Variants in NT5C3A observed in about 807,000 individuals in gnomAD.
NT5C3A encodes the protein 5'-nucleotidase, cytosolic IIIA, also known as cytosolic 5'-nucleotidase 3A.
A neutral mutation model predicts 40.0 loss-of-function variants in NT5C3A; 23 were observed. The ratio of observed to expected loss-of-function variants is 0.58; its 90% confidence interval spans 0.41 to 0.81. The LOEUF is 0.81. NT5C3A is among the 40% of genes least tolerant of loss of function. The pLI is 0.00. For missense variants in NT5C3A, 328 were observed against 403.0 expected, an observed-to-expected ratio of 0.81 and a Z score of 1.59; for synonymous variants, 130 against 141.4, an observed-to-expected ratio of 0.92 and a Z score of 0.57.
At chr7:33,049,293 T>C (rs899805644) in intron 1 of NT5C3A, among the ~76,000 whole-genome samples, 5 of 152,160 alleles carry the variant, frequency 3.3e-5, no homozygotes. Context: ...TTTAGGTGAA[T>C]CATCCCCATT....
At chr7:33,041,728 T>C (rs182924941) in intron 1 of NT5C3A, among the ~76,000 whole-genome samples, 1 of 152,148 alleles carries the variant, frequency 6.6e-6, no homozygotes, top group African/African-American at 2.4e-5. Flanking sequence ...AGTCCAACTG[T>C]CATGAAGAAA....
intron 5 of NT5C3A, 134 bp from the exon 6 acceptor site, chr7:33,019,858 CA>C (rs1203276159): frequency 2.7e-5 from 18 of 663,740 alleles, no homozygotes; most frequent in Middle Eastern, 3.5e-4. Flanking sequence ...GATTGAAGTT[CA>C]TCACTAATGA....
chr7:33,036,588 C>G (rs1215776393), intron 1 of NT5C3A, among the ~76,000 whole-genome samples: 1 of 151,814 alleles, frequency 6.6e-6, no homozygotes, highest in Admixed American at 6.6e-5. Flanking sequence ...ATTGAATAAA[C>G]AGTGAAAATG....
intron 1 of NT5C3A, among the ~76,000 whole-genome samples, chr7:33,040,042 G>A (rs1026613519): frequency 1.3e-5 from 2 of 152,078 alleles, no homozygotes; most frequent in Admixed American, 1.3e-4. Flanking sequence ...TGGAAACTAA[G>A]TAATTTATAC....
At chr7:33,022,383 G>C (rs1408799810) in intron 3 of NT5C3A, among the ~76,000 whole-genome samples, 1 of 152,134 alleles carries the variant, frequency 6.6e-6, no homozygotes, top group East Asian at 1.9e-4. Flanking sequence ...CAAATACTAT[G>C]AACTGTGTAT....
chr7:33,029,697 A>G (rs757793333), intron 1 of NT5C3A: 1 of 1,289,580 alleles, frequency 7.8e-7, no homozygotes, highest in South Asian at 1.2e-5. Context: ...ACTTCGAAGA[A>G]GGCTGGTTTC....
chr7:33,044,369 A>G (rs1787055950), intron 1 of NT5C3A, among the ~76,000 whole-genome samples: 1 of 141,020 alleles, frequency 7.1e-6, no homozygotes, highest in Non-Finnish European at 1.5e-5. Flanking sequence ...TGTTGTTTCT[A>G]ATAGCTCTAG....
chr7:33,036,010 C>G, intron 1 of NT5C3A: 1 of 1,601,252 alleles, frequency 6.2e-7, no homozygotes, highest in Non-Finnish European at 8.6e-7. Context: ...CAGGTGATGT[C>G]ACAGCAAAAG....
Position 33,015,661 on chromosome 7 carries a change from T to C in NT5C3A, c.894+9A>G. 1 of 1,561,976 alleles carries C rather than the reference T, an allele frequency of 6.4e-7. No individual in the cohort carries two copies. The highest frequency in any genetic ancestry group is 2.2e-5 in the East Asian group (1 of 44,628). ...TTCTTCGAAAAAAATTACAGATTTG[T>C]ATACTTACTCTATCATTTAGATATC... On this transcript the variant is annotated intron_variant, in intron 8 of 8. Transcript: ENST00000610140.
In NT5C3A at chr7:33,015,832, T is replaced by G; in HGVS notation, c.732A>C (p.Val244=). 1 of 1,609,802 alleles carries G rather than the reference T, an allele frequency of 6.2e-7. No individual in the cohort carries two copies. The highest frequency in any genetic ancestry group is 8.5e-7 in the Non-Finnish European group (1 of 1,176,040). Residue 244 remains valine, a synonymous_variant, in exon 8 of 9, where the codon GTA becomes GTC. Transcript: ENST00000610140. ...TCAAGGCACCATCATGTTTGTTAAA[T>G]ACATGAATTAGTTCTCCTTTAAATC... ...LKGFKGELIH[V]FNKHDGALRN...
At chr7:33,042,784 T>C (rs1786982763) in intron 1 of NT5C3A, among the ~76,000 whole-genome samples, 1 of 152,152 alleles carries the variant, frequency 6.6e-6, no homozygotes, top group Non-Finnish European at 1.5e-5. Context: ...CTAAAGAAAT[T>C]AGGCAGTACA....
At chr7:33,021,405 TCTG>T in intron 4 of NT5C3A, 48 bp from the exon 5 acceptor site, 1 of 1,595,350 alleles carries the variant, frequency 6.3e-7, no homozygotes, top group Non-Finnish European at 8.6e-7. Context: ...TGAAAATAAA[TCTG>T]CTTGGTTTTA....
At chr7:33,055,622 G>T (rs1375511521) in intron 1 of NT5C3A, among the ~76,000 whole-genome samples, 1 of 152,140 alleles carries the variant, frequency 6.6e-6, no homozygotes, top group African/African-American at 2.4e-5. Context: ...GCCATGACTG[G>T]AACGACCATC....
chr7:33,039,529 G>A (rs1319529893), intron 1 of NT5C3A, among the ~76,000 whole-genome samples: 2 of 77,360 alleles, frequency 2.6e-5, no homozygotes, highest in African/African-American at 1.0e-4. Flanking sequence ...TCAGTAACCT[G>A]TACTATTTGA....
chr7:33,046,012 A>G (rs1041076227), intron 1 of NT5C3A: 12 of 152,186 alleles, frequency 7.9e-5, no homozygotes, highest in African/African-American at 2.9e-4. Flanking sequence ...AGCACACTAA[A>G]GCTTGGAACT....
chr7:33,025,531 A>T (rs1785879170), intron 2 of NT5C3A, among the ~76,000 whole-genome samples: 1 of 152,226 alleles, frequency 6.6e-6, no homozygotes, highest in South Asian at 2.1e-4. Context: ...TTTAAAACAG[A>T]GACAACTTTT....
chr7:33,026,136 G>C (rs1321695938), intron 2 of NT5C3A, among the ~76,000 whole-genome samples: 2 of 152,090 alleles, frequency 1.3e-5, no homozygotes, highest in Non-Finnish European at 1.5e-5. Context: ...AGTGAGCTGA[G>C]ATCGTGCCAC....
chr7:33,021,317 T>A lies in NT5C3A; in HGVS notation c.395A>T (p.Asp132Val), dbSNP rs104894025. 1.4e-5 allele frequency: 22 copies of A among 1,612,244 alleles called. No homozygotes were observed. Among genetic ancestry groups the A allele is most frequent in the African/African-American group, 2.7e-5 (2 of 74,870 alleles). ...CTTCTCTTCTACAGTAAGAACAGGA[T>A]CAACTTCAATAGCGTAATATTTTTC... ...LKEKYYAIEV[D>V]PVLTVEEKYP... Residue 132 changes from aspartate to valine, a missense_variant, in exon 5 of 9, where the codon GAT becomes GTT. By Grantham distance (152) the Asp-to-Val change is radical. This residue lies in a region of NT5C3A where 280 missense variants were observed against 317.2 expected (regional missense o/e 0.88). Transcript: ENST00000610140.
intron 1 of NT5C3A, among the ~76,000 whole-genome samples, chr7:33,047,058 C>T (rs1161283027): frequency 6.6e-6 from 1 of 151,588 alleles, no homozygotes; most frequent in East Asian, 1.9e-4. Flanking sequence ...CCTCTCACCT[C>T]AGCCTCCCGA....
Sources: allele counts gnomAD v4.1 joint callset (sites outside exome capture counted in the v4.1 genomes callset), GRCh38; gene constraint gnomAD v4.1.1; regional missense constraint gnomAD v4.1.1; transcripts MANE v1.5; gene names NCBI Gene and HGNC (gene_info 2026-07-23, HGNC 2026-07-21).